MARK2: variants seen among roughly 807,000 people sequenced by gnomAD.
MARK2 encodes the protein serine/threonine-protein kinase MARK2.
Under a neutral mutation model 89.8 loss-of-function variants are expected in MARK2, and 16 were observed. The ratio of observed to expected loss-of-function variants is 0.18; its 90% CI spans 0.12 to 0.27. MARK2 has a LOEUF of 0.27. Among genes scored for constraint, MARK2 ranks in the 10% least tolerant of loss-of-function variants. MARK2 has a pLI of 1.00. For synonymous variants in MARK2, 382 were observed against 399.5 expected, an observed-to-expected ratio of 0.96 and a Z score of 0.52; for missense variants, 621 against 1,049.9, an observed-to-expected ratio of 0.59 and a Z score of 5.65.
At chr11:63,906,040 T>C in intron 16 of MARK2, 48 bp from the exon 17 acceptor site, 3 of 1,355,050 alleles carry the variant, frequency 2.2e-6, no homozygotes, top group Middle Eastern at 1.9e-4. Context: ...TGTTGGTTTT[T>C]TTTTTATTTC....
chr11:63,892,116 G>A (rs1197939399), intron 1 of MARK2, among the ~76,000 whole-genome samples: 1 of 152,158 alleles, frequency 6.6e-6, no homozygotes, highest in Non-Finnish European at 1.5e-5. Flanking sequence ...AATAAGAGCT[G>A]GGGGGCTTCA....
intron 1 of MARK2, chr11:63,882,553 C>G (rs1326268742): frequency 6.6e-6 from 1 of 152,150 alleles, no homozygotes; most frequent in Non-Finnish European, 1.5e-5. Context: ...CATTGCATTC[C>G]AGCCTGGGCA....
At chr11:63,883,421 A>C (rs1019565824) in intron 1 of MARK2, among the ~76,000 whole-genome samples, 8 of 152,206 alleles carry the variant, frequency 5.3e-5, no homozygotes, top group African/African-American at 1.9e-4. Context: ...TGGTACTTAC[A>C]GTCAAATTTC....
intron 1 of MARK2, among the ~76,000 whole-genome samples, chr11:63,881,534 T>C (rs1416002540): frequency 1.3e-5 from 2 of 152,126 alleles, no homozygotes; most frequent in Non-Finnish European, 1.5e-5. Flanking sequence ...CCCTAAGTAT[T>C]GTAACATGGG....
rs140802950 is a variant in MARK2, at chr11:63,855,088, A to G, written c.54+15528A>G. Reference sequence around the variant, plus strand: ...GAATTTTGGAAAACTTGTGTCTGCTAAAACTTTTCCGAGATTGGTAGTAAA... The same window carrying G: ...GAATTTTGGAAAACTTGTGTCTGCTGAAACTTTTCCGAGATTGGTAGTAAA... On this transcript the variant is annotated intron_variant, in intron 1 of 18. Coordinates refer to ENST00000402010, the MANE Select transcript of MARK2 (RefSeq NM_001039469.3). Among the ~76,000 whole-genome samples the G allele has an allele frequency of 4.2e-3, 639 of 152,300 alleles. 7 individuals carry two copies. Among genetic ancestry groups the G allele is most frequent in the African/African-American group, 0.015 (618 of 41,570 alleles).
intron 1 of MARK2, among the ~76,000 whole-genome samples, chr11:63,841,361 G>C (rs2016007730): frequency 6.6e-6 from 1 of 152,136 alleles, no homozygotes; most frequent in African/African-American, 2.4e-5. Flanking sequence ...TTTGCTTCTG[G>C]GGGTGAAATA....
Position 63,910,032 on chromosome 11 carries a change from T to A in MARK2, c.*795T>A, listed in dbSNP as rs1345555571. 1 of 152,252 alleles carries A rather than the reference T, an allele frequency of 6.6e-6. No homozygotes were observed. Among genetic ancestry groups the A allele is most frequent in the Non-Finnish European group, 1.5e-5 (1 of 68,114 alleles). 9.4% of individuals were successfully genotyped at this position (152,252 alleles called of 1,614,324 possible). A position where few individuals can be genotyped will look rare whatever the true frequency, so the allele number is the denominator to read the frequency against. ...GTGTTCCCTCAAAGTCTGTGCCATCTTCTCCCACCCCTCCCGGGTAGAAGG... is the reference window on the plus strand; with the variant it reads ...GTGTTCCCTCAAAGTCTGTGCCATCATCTCCCACCCCTCCCGGGTAGAAGG... On this transcript the variant is annotated 3_prime_UTR_variant, in exon 19 of 19. Coordinates refer to ENST00000402010, the MANE Select transcript of MARK2 (RefSeq NM_001039469.3).
intron 1 of MARK2, among the ~76,000 whole-genome samples, chr11:63,858,041 T>A (rs564613125): frequency 6.6e-6 from 1 of 151,978 alleles, no homozygotes; most frequent in South Asian, 2.1e-4. Context: ...TTGTTTTGTT[T>A]TTTGAGATGG....
Position 63,904,187 on chromosome 11 carries a change from GC to G in MARK2, c.1676+43del, listed in dbSNP as rs1565146831. The G allele has an allele frequency of 1.1e-5, 17 of 1,503,380 alleles. No homozygotes were observed. The highest frequency in any genetic ancestry group is 1.5e-5 in the Non-Finnish European group (17 of 1,128,564). The allele number at this position is 1,503,380 out of a possible 1,614,324, so 93.1% of individuals were successfully genotyped here. ...GCAGCTGGTGCACCTGCTGCCCTCAGCCCACCCTACCCCCTTGCCCCAACAA... is the reference window on the plus strand; with the variant it reads ...GCAGCTGGTGCACCTGCTGCCCTCAGCCACCCTACCCCCTTGCCCCAACAA... On this transcript the variant is annotated intron_variant, in intron 15 of 18. Transcript: ENST00000402010. The surrounding 1 kb of genome is among the most constrained non-coding windows in gnomAD (Gnocchi z 6.3).
At position 63,903,982 on chromosome 11, in the gene MARK2, C is replaced by G; in HGVS notation, c.1515-4C>G. On this transcript the variant is annotated splice_region_variant and splice_polypyrimidine_tract_variant and intron_variant, in intron 14 of 18. Coordinates refer to ENST00000402010, the MANE Select transcript of MARK2 (RefSeq NM_001039469.3). The surrounding 1 kb of genome is among the most constrained non-coding windows in gnomAD (Gnocchi z 5.1). ...CGGGCCTCTCCGCTGCTTTTGTTTC[C>G]TAGCCTAACCATGCCAGGGTCCCGG... 1.3e-6 allele frequency: 2 copies of G among 1,598,746 alleles called. No homozygotes were observed. The highest frequency in any genetic ancestry group is 1.7e-6 in the Non-Finnish European group (2 of 1,172,176).
rs138514533 is a variant in MARK2, at chr11:63,850,688, A to G, written c.54+11128A>G. 3.9e-3 allele frequency among the ~76,000 whole-genome samples: 601 copies of G among 152,270 alleles called. 9 individuals are homozygous for G. Among genetic ancestry groups the G allele is most frequent in the African/African-American group, 0.014 (567 of 41,546 alleles). ...GCCTCATCCGTGGCTAGAAGGCCAA[A>G]TCCAAAGTCACCAGAGCTTGAGTTT... is the stretch of plus-strand genomic sequence containing the variant. On this transcript the variant is annotated intron_variant, in intron 1 of 18. Coordinates refer to ENST00000402010, the MANE Select transcript of MARK2 (RefSeq NM_001039469.3).
chr11:63,908,088 G>A (rs533859148), intron 17 of MARK2, among the ~76,000 whole-genome samples, 172 bp from the exon 18 acceptor site: 1 of 152,376 alleles, frequency 6.6e-6, no homozygotes, highest in South Asian at 2.1e-4. Flanking sequence ...AGCCGCCAGT[G>A]TGAGGTGCTG....
At chr11:63,908,228 G>A in intron 17 of MARK2, 32 bp from the exon 18 acceptor site, 1 of 1,547,476 alleles carries the variant, frequency 6.5e-7, no homozygotes, top group African/African-American at 1.4e-5. Flanking sequence ...AGAGATCCCA[G>A]CACTAAACTC....
In MARK2 at chr11:63,899,116, A is replaced by G. The variant is rs1339290932; in HGVS notation, c.531+8A>G. 1 of 1,597,854 alleles carries G rather than the reference A, an allele frequency of 6.3e-7. No homozygotes were observed. The highest frequency in any genetic ancestry group is 8.6e-7 in the Non-Finnish European group (1 of 1,167,022). On this transcript the variant is annotated splice_region_variant and intron_variant, in intron 7 of 18. Coordinates refer to ENST00000402010, the MANE Select transcript of MARK2 (RefSeq NM_001039469.3). The stretch of plus-strand genomic sequence containing the variant: ...GTCCATAGAGACTTAAAGGTAAGGC[A>G]TGCACTTCTCCTTGTGCCTTTGAGT...
At chr11:63,865,052 G>C (rs1819997904) in intron 1 of MARK2, among the ~76,000 whole-genome samples, 2 of 148,116 alleles carry the variant, frequency 1.4e-5, no homozygotes, top group Admixed American at 1.3e-4. Context: ...ACTATGCCTG[G>C]CTAATTTTTT....
In MARK2 at chr11:63,909,467, C is replaced by G. The variant is rs542210682; in HGVS notation, c.*230C>G. On this transcript the variant is annotated 3_prime_UTR_variant, in exon 19 of 19. Coordinates refer to ENST00000402010, the MANE Select transcript of MARK2 (RefSeq NM_001039469.3). ...CCCAGAGATTCCCCCTTCTCCTCTC[C>G]CCTACTGGAGGCAAAGGAAGGGGAG... is the stretch of plus-strand genomic sequence containing the variant. 2.3e-6 allele frequency: 1 copy of G among 433,276 alleles called. No individual in the cohort carries two copies. The highest frequency in any genetic ancestry group is 4.0e-6 in the Non-Finnish European group (1 of 247,494). 26.8% of individuals were successfully genotyped at this position (433,276 alleles called of 1,614,324 possible).
At chr11:63,893,297 C>CA (rs1161608849) in intron 1 of MARK2, among the ~76,000 whole-genome samples, 12 of 41,728 alleles carry the variant, frequency 2.9e-4, no homozygotes, top group Non-Finnish European at 4.9e-4. Flanking sequence ...GGGATTTAGG[C>CA]ATGAGCTACC....
intron 1 of MARK2, among the ~76,000 whole-genome samples, chr11:63,867,829 C>G (rs1289400724): frequency 3.9e-5 from 6 of 152,100 alleles, no homozygotes. Flanking sequence ...ATCTTCAGAT[C>G]TCTCTTAGCC....
intron 3 of MARK2, among the ~76,000 whole-genome samples, chr11:63,896,978 AC>A (rs1940461494): frequency 6.6e-6 from 1 of 152,142 alleles, no homozygotes; most frequent in South Asian, 2.1e-4. Flanking sequence ...AGGCACCAAC[AC>A]CAGACAAATA....
Sources: gnomAD v4.1 joint callset for allele counts (sites outside exome capture counted in the v4.1 genomes callset) on GRCh38, gnomAD v4.1.1 for gene constraint, Gnocchi (gnomAD v3.1) non-coding constraint, MANE v1.5 for transcripts, NCBI Gene and HGNC (gene_info 2026-07-23, HGNC 2026-07-21) for gene names.